Variants in TBC1D8 observed in about 807,000 individuals in gnomAD.
The protein encoded by TBC1D8 is TBC1 domain family member 8.
In TBC1D8, 65 loss-of-function variants were observed where a neutral mutation model predicts 118.8. The ratio of observed to expected loss-of-function variants is 0.55; its 90% confidence interval spans 0.45 to 0.67. The LOEUF is 0.67. Ranked by LOEUF, TBC1D8 falls within the 30% of genes least tolerant of loss-of-function variation. The pLI, the probability that TBC1D8 is intolerant of heterozygous loss-of-function variation, is 0.00. For missense variants in TBC1D8, 1,376 were observed against 1,471.2 expected, an observed-to-expected ratio of 0.94 and a Z score of 1.06; for synonymous variants, 566 against 595.8, an observed-to-expected ratio of 0.95 and a Z score of 0.73.
intron 2 of TBC1D8, among the ~76,000 whole-genome samples, chr2:101,077,054 C>T (rs534881149): frequency 6.6e-5 from 10 of 152,350 alleles, no homozygotes; most frequent in African/African-American, 1.2e-4. Flanking sequence ...GACGGAGTCT[C>T]GCTCTGTCGC....
intron 1 of TBC1D8, among the ~76,000 whole-genome samples, chr2:101,132,848 C>T (rs1027025577): frequency 2.6e-5 from 4 of 151,884 alleles, no homozygotes; most frequent in Non-Finnish European, 4.4e-5. Context: ...GATCCTCCTG[C>T]CTCAGCCTCC....
chr2:101,031,327 C>A (rs922165474), intron 11 of TBC1D8, among the ~76,000 whole-genome samples: 1 of 152,204 alleles, frequency 6.6e-6, no homozygotes, highest in Non-Finnish European at 1.5e-5. Context: ...AGGCACAGAG[C>A]CATCACTGCC....
At position 101,095,392 on chromosome 2, in the gene TBC1D8, CT is replaced by C. The variant is rs763109476; in HGVS notation, c.128-5029del. 1.1e-4 allele frequency among the ~76,000 whole-genome samples: 14 copies of C among 131,056 alleles called. No homozygotes were observed. In the East Asian group the frequency reaches 1.2e-3, roughly 11 times the overall value. 86.0% of individuals were successfully genotyped at this position (131,056 alleles called of 152,430 possible). On this transcript the variant is annotated intron_variant, in intron 1 of 19. Coordinates refer to ENST00000409318, the MANE Select transcript of TBC1D8 (RefSeq NM_001330348.2). ...CATTAGGTATATCTCCTAATGCTATCTCCCCCCCCCTCCCCCCACCCCACAA... is the reference window on the plus strand; with the variant it reads ...CATTAGGTATATCTCCTAATGCTATCCCCCCCCCCTCCCCCCACCCCACAA...
At chr2:101,009,826 TC>T (rs200502405) in intron 19 of TBC1D8, among the ~76,000 whole-genome samples, 26,261 of 146,100 alleles carry the variant, frequency 0.18, 2,804 homozygotes, top group Middle Eastern at 0.31. Flanking sequence ...AGGAGCTTTT[TC>T]TTTTTTTTTT....
chr2:101,068,661 T>C (rs1181419471), intron 2 of TBC1D8: 8 of 494,056 alleles, frequency 1.6e-5, no homozygotes, highest in Non-Finnish European at 2.9e-5. Flanking sequence ...ACCCACTGGA[T>C]GATACCTTAG....
At chr2:101,129,363 G>T (rs758735394) in intron 1 of TBC1D8, among the ~76,000 whole-genome samples, 5 of 152,020 alleles carry the variant, frequency 3.3e-5, no homozygotes, top group African/African-American at 7.2e-5. Flanking sequence ...GGCTGTTCTC[G>T]AACTCCTGAA....
chr2:101,009,588 G>A (rs1052087476), intron 19 of TBC1D8, among the ~76,000 whole-genome samples: 1 of 152,008 alleles, frequency 6.6e-6, no homozygotes, highest in Non-Finnish European at 1.5e-5. Context: ...ATAGCTCTGA[G>A]TGATGAAGTT....
chr2:101,137,253 G>A (rs113602614), intron 1 of TBC1D8, among the ~76,000 whole-genome samples: 23,846 of 151,526 alleles, frequency 0.16, 1,915 homozygotes, highest in African/African-American at 0.2. Flanking sequence ...GGCTGGAGTC[G>A]AACTCCTGAC....
intron 2 of TBC1D8, among the ~76,000 whole-genome samples, chr2:101,082,527 G>A (rs1340994627): frequency 6.6e-6 from 1 of 152,158 alleles, no homozygotes; most frequent in African/African-American, 2.4e-5. Flanking sequence ...TTCGACTTAT[G>A]CCCAATCATT....
chr2:101,008,140 C>G lies in TBC1D8; in HGVS notation c.3149G>C (p.Ser1050Thr). Residue 1050 changes from serine to threonine, a missense_variant, in exon 20 of 20, where the codon AGC becomes ACC. Ser to Thr is a moderately conservative substitution (Grantham distance 58). Transcript: ENST00000409318. ...LQIGEVGQRG[S>T]SSGSCSQECG... ...CTCCTGGGAGCAGCTTCCAGAGCTGCTGCCTCGCTGCCCCACCTCCCCGAT... is the reference window on the plus strand; with the variant it reads ...CTCCTGGGAGCAGCTTCCAGAGCTGGTGCCTCGCTGCCCCACCTCCCCGAT... 1 of 1,613,838 alleles carries G rather than the reference C, an allele frequency of 6.2e-7. No homozygotes were observed.
chr2:101,079,923 T>C lies in TBC1D8; in HGVS notation c.283+10286A>G, dbSNP rs148809355. 2.2e-3 allele frequency among the ~76,000 whole-genome samples: 339 copies of C among 152,106 alleles called. 1 individual carries two copies. The highest frequency in any genetic ancestry group is 7.8e-3 in the African/African-American group (323 of 41,502). ...GGACGGTCTCGATCTCCTGACCTCATGATCCGCCTGCTTAGGCCTCCCAAA... is the reference window on the plus strand; with the variant it reads ...GGACGGTCTCGATCTCCTGACCTCACGATCCGCCTGCTTAGGCCTCCCAAA... On this transcript the variant is annotated intron_variant, in intron 2 of 19. Transcript: ENST00000409318.
chr2:101,126,006 TG>T (rs968403132), intron 1 of TBC1D8, among the ~76,000 whole-genome samples: 1 of 152,192 alleles, frequency 6.6e-6, no homozygotes, highest in African/African-American at 2.4e-5. Flanking sequence ...TACCTGAGGC[TG>T]AGTCACTTAT....
intron 17 of TBC1D8, chr2:101,018,075 AATGG>A: frequency 2.7e-6 from 2 of 752,242 alleles, no homozygotes; most frequent in Non-Finnish European, 4.2e-6. Context: ...AATCTAGGCT[AATGG>A]GACTAGATTT....
Position 101,029,769 on chromosome 2 carries a change from T to C in TBC1D8, c.1944A>G (p.Gln648=). Residue 648 remains glutamine (Q), a synonymous_variant, in exon 12 of 20, where the codon CAA becomes CAG. Transcript: ENST00000409318. ...GCTCCTCGAAGACAGACTGGTCAACTTGTGCCCCTGGAAAAGAAAGGGCAC... is the reference window on the plus strand; with the variant it reads ...GCTCCTCGAAGACAGACTGGTCAACCTGTGCCCCTGGAAAAGAAAGGGCAC... ...DYFNHRVIGA[Q]VDQSVFEELI... is the part of the protein sequence containing the mutation. The C allele has an allele frequency of 6.2e-7, 1 of 1,612,272 alleles. No homozygotes were observed. Among genetic ancestry groups the C allele is most frequent in the Non-Finnish European group, 8.5e-7 (1 of 1,178,440 alleles).
At chr2:101,064,801 C>G (rs1558667892) in intron 2 of TBC1D8, among the ~76,000 whole-genome samples, 1 of 152,164 alleles carries the variant, frequency 6.6e-6, no homozygotes, top group Non-Finnish European at 1.5e-5. Flanking sequence ...GGATGCCTGA[C>G]ATGTGTCAGG....
chr2:101,143,063 C>CTTTTTTT (rs11454446), intron 1 of TBC1D8, among the ~76,000 whole-genome samples: 2 of 140,000 alleles, frequency 1.4e-5, no homozygotes, highest in Non-Finnish European at 3.0e-5. Context: ...CTTTCCTTTC[C>CTTTTTTT]TTTTTTTTTT....
At chr2:101,074,824 T>C (rs1458366200) in intron 2 of TBC1D8, among the ~76,000 whole-genome samples, 1 of 152,194 alleles carries the variant, frequency 6.6e-6, no homozygotes, top group Non-Finnish European at 1.5e-5. Flanking sequence ...ATTATTTATT[T>C]TTCTTTATCA....
intron 2 of TBC1D8, among the ~76,000 whole-genome samples, chr2:101,062,200 TG>T: frequency 6.6e-6 from 1 of 152,324 alleles, no homozygotes; most frequent in South Asian, 2.1e-4. Context: ...CACAAGCACC[TG>T]GGGTAGCCCA....
chr2:101,090,322 G>A lies in TBC1D8; in HGVS notation c.170C>T (p.Ala57Val), dbSNP rs777249286. ...CAGAATTCGAAATGGAGCGACCCGTGCATTGGAATCCAACACTGCATCCAG... is the reference window on the plus strand; with the variant it reads ...CAGAATTCGAAATGGAGCGACCCGTACATTGGAATCCAACACTGCATCCAG... ...GALDAVLDSN[A>V]RVAPFRILLQ... Residue 57 changes from alanine (A) to valine (V), a missense_variant, in exon 2 of 20, where the codon GCA becomes GTA. Physicochemically the swap from Ala to Val is moderately conservative, Grantham distance 64 (BLOSUM62 0). Coordinates refer to ENST00000409318, the MANE Select transcript of TBC1D8 (RefSeq NM_001330348.2). 1.2e-6 allele frequency: 2 copies of A among 1,613,890 alleles called. No homozygotes were observed. Among genetic ancestry groups the A allele is most frequent in the African/African-American group, 2.7e-5 (2 of 74,934 alleles).
Sources: gnomAD v4.1 joint callset for allele counts (sites outside exome capture counted in the v4.1 genomes callset) on GRCh38, gnomAD v4.1.1 for gene constraint, MANE v1.5 for transcripts, NCBI Gene and HGNC (gene_info 2026-07-23, HGNC 2026-07-21) for gene names.